The following SRPK2 variants were observed in gnomAD, a reference collection of about 807,000 sequenced individuals.
The protein encoded by SRPK2 is SFRS protein kinase 2.
Under a neutral mutation model 90.8 loss-of-function variants are expected in SRPK2, and 21 were observed. That is an observed-to-expected ratio of 0.23 (90% CI 0.16 to 0.33). The LOEUF is 0.33. Ranked by LOEUF, SRPK2 falls within the 10% of genes least tolerant of loss-of-function variation. The probability of loss-of-function intolerance (pLI) is 1.00; values close to 1 mark genes in which losing one functional copy is unlikely to be tolerated. For missense variants in SRPK2, 620 were observed against 869.0 expected (o/e 0.71, Z 3.60); for synonymous variants, 288 against 311.1 (o/e 0.93, Z 0.78).
At chr7:105,346,047 A>G (rs927664843) in intron 2 of SRPK2, among the ~76,000 whole-genome samples, 1 of 152,234 alleles carries the variant, frequency 6.6e-6, no homozygotes, top group Non-Finnish European at 1.5e-5. Context: ...TTTAAAAAAG[A>G]GTGCAAAATT....
chr7:105,275,524 C>G (rs1432228957), intron 2 of SRPK2, among the ~76,000 whole-genome samples: 1 of 152,164 alleles, frequency 6.6e-6, no homozygotes, highest in East Asian at 1.9e-4. Context: ...TACTCAAACT[C>G]CTTATGAAGA....
intron 1 of SRPK2, among the ~76,000 whole-genome samples, chr7:105,398,041 G>C (rs1230372384): frequency 1.3e-5 from 2 of 152,108 alleles, no homozygotes; most frequent in African/African-American, 4.8e-5. Flanking sequence ...AATTAGTTAT[G>C]CAAATATTAT....
At chr7:105,292,879 T>C (rs964960936) in intron 2 of SRPK2, among the ~76,000 whole-genome samples, 1 of 152,252 alleles carries the variant, frequency 6.6e-6, no homozygotes, top group Non-Finnish European at 1.5e-5. Context: ...TCCTGCTCTC[T>C]CTCTTGAGGG....
rs752347183 is a variant in SRPK2, at chr7:105,220,088, C to T, written c.72-16303G>A. Among the ~76,000 whole-genome samples, 95 of 152,192 alleles carry T rather than the reference C, an allele frequency of 6.2e-4. 1 individual carries two copies. The highest frequency in any genetic ancestry group is 1.2e-3 in the Non-Finnish European group (80 of 67,976). On this transcript the variant is annotated intron_variant, in intron 2 of 15. Coordinates refer to ENST00000393651, the MANE Select transcript of SRPK2 (RefSeq NM_182692.3). ...TGACTTAATCATAAAAAATGAAATA[C>T]GGTTTAATCAAGTGATTAATGTTTT... is the stretch of plus-strand genomic sequence containing the variant.
At chr7:105,306,299 G>A in intron 2 of SRPK2, 2 of 287,126 alleles carry the variant, frequency 7.0e-6, no homozygotes, top group East Asian at 1.8e-4. Flanking sequence ...GGGCTTCTAA[G>A]AAACTTAATC....
At chr7:105,208,626 C>T (rs1253502500) in intron 2 of SRPK2, among the ~76,000 whole-genome samples, 2 of 151,814 alleles carry the variant, frequency 1.3e-5, no homozygotes, top group South Asian at 2.1e-4. Flanking sequence ...ATGCTCATAT[C>T]GGGGGTTGGG....
At chr7:105,285,890 T>C (rs1808037111) in intron 2 of SRPK2, among the ~76,000 whole-genome samples, 2 of 152,206 alleles carry the variant, frequency 1.3e-5, no homozygotes, top group Admixed American at 6.5e-5. Context: ...TATTCCGTTA[T>C]AGCAATGCAA....
At position 105,174,082 on chromosome 7, in the gene SRPK2, TA is replaced by T. The variant is rs11406138; in HGVS notation, c.230-4818del. The stretch of plus-strand genomic sequence containing the variant: ...CAGTACAGTGAGACCCTGTCTCTAA[TA>T]AAAAAAAAAAAAAACTCTTATCGGA... On this transcript the variant is annotated intron_variant, in intron 3 of 15. Transcript: ENST00000393651. Among the ~76,000 whole-genome samples, 635 of 134,926 alleles carry T rather than the reference TA, an allele frequency of 4.7e-3. 14 individuals are homozygous for T. The East Asian group carries it at 0.07, about 15-fold the overall frequency. 88.5% of individuals were successfully genotyped at this position (134,926 alleles called of 152,430 possible).
intron 2 of SRPK2, among the ~76,000 whole-genome samples, chr7:105,264,523 T>G (rs1180816134): frequency 6.6e-6 from 1 of 152,180 alleles, no homozygotes; most frequent in Non-Finnish European, 1.5e-5. Context: ...TCCGCTTCTC[T>G]CCTCTCCTGA....
intron 2 of SRPK2, among the ~76,000 whole-genome samples, chr7:105,240,556 G>A (rs996213881): frequency 2.0e-5 from 3 of 151,880 alleles, no homozygotes; most frequent in African/African-American, 7.3e-5. Flanking sequence ...AACCCTTCCT[G>A]GACAGAAATT....
intron 2 of SRPK2, among the ~76,000 whole-genome samples, chr7:105,342,419 G>A (rs1040783136): frequency 4.6e-5 from 7 of 151,760 alleles, no homozygotes; most frequent in Admixed American, 4.6e-4. Flanking sequence ...AACATTCCTA[G>A]GACTGTCCAG....
chr7:105,253,729 A>C (rs942463478), intron 2 of SRPK2, among the ~76,000 whole-genome samples: 12 of 152,234 alleles, frequency 7.9e-5, no homozygotes, highest in Admixed American at 5.2e-4. Context: ...TTGACCAAAA[A>C]GGTGATTACA....
Position 105,170,912 on chromosome 7 carries a change from A to AAAGAAAGAAAGG in SRPK2, c.230-1648_230-1647insCCTTTCTTTCTT, listed in dbSNP as rs1563026031. Among the ~76,000 whole-genome samples, 5 of 123,658 alleles carry AAAGAAAGAAAGG rather than the reference A, an allele frequency of 4.0e-5. 1 individual carries two copies. The highest frequency in any genetic ancestry group is 2.5e-4 in the East Asian group (1 of 3,980). 81.1% of individuals were successfully genotyped at this position (123,658 alleles called of 152,430 possible). A position where few individuals can be genotyped will look rare whatever the true frequency, so the allele number is the denominator to read the frequency against. ...GAAAGAAAGAAAGAAAGAAAGAAAG[A>AAAGAAAGAAAGG]AAGGAGAAAGAAAAAGAAAAAGGAA... is the stretch of plus-strand genomic sequence containing the variant. On this transcript the variant is annotated intron_variant, in intron 3 of 15. Coordinates refer to ENST00000393651, the MANE Select transcript of SRPK2 (RefSeq NM_182692.3).
intron 2 of SRPK2, among the ~76,000 whole-genome samples, chr7:105,264,378 C>A (rs2130198406): frequency 6.6e-6 from 1 of 152,302 alleles, no homozygotes; most frequent in South Asian, 2.1e-4. Flanking sequence ...AGCCTGGGTT[C>A]CTTATGGATT....
At position 105,379,180 on chromosome 7, in the gene SRPK2, G is replaced by A. The variant is rs181001748; in HGVS notation, c.71+9468C>T. On this transcript the variant is annotated intron_variant, in intron 2 of 15. Transcript: ENST00000393651. ...AAATATATATATATATATAAAGTCA[G>A]CCCTCTGAAACTGTGGACTCTGCAT... Among the ~76,000 whole-genome samples, 36 of 151,552 alleles carry A rather than the reference G, an allele frequency of 2.4e-4. No individual in the cohort carries two copies. In the East Asian group the frequency reaches 5.6e-3, roughly 24 times the overall value.
chr7:105,293,843 T>A (rs976973518), intron 2 of SRPK2, among the ~76,000 whole-genome samples: 1 of 152,194 alleles, frequency 6.6e-6, no homozygotes, highest in Non-Finnish European at 1.5e-5. Flanking sequence ...TATAAGTCAA[T>A]GCTTTTAGTA....
intron 3 of SRPK2, among the ~76,000 whole-genome samples, chr7:105,188,361 A>G (rs567781383): frequency 6.6e-6 from 1 of 152,320 alleles, no homozygotes; most frequent in African/African-American, 2.4e-5. Flanking sequence ...CTGTCAATGG[A>G]CAGTCATTTC....
intron 2 of SRPK2, among the ~76,000 whole-genome samples, chr7:105,226,044 T>G (rs1798666020): frequency 6.6e-6 from 1 of 152,184 alleles, no homozygotes; most frequent in South Asian, 2.1e-4. Flanking sequence ...CTAATAAAAT[T>G]ATCTTTAAAA....
intron 2 of SRPK2, chr7:105,205,952 G>A: frequency 1.9e-6 from 1 of 518,856 alleles, no homozygotes; most frequent in South Asian, 1.4e-5. Context: ...CACACATTGA[G>A]TTTGCTGTAG....
Sources: allele counts gnomAD v4.1 joint callset (sites outside exome capture counted in the v4.1 genomes callset), GRCh38; gene constraint gnomAD v4.1.1; transcripts MANE v1.5; gene names NCBI Gene and HGNC (gene_info 2026-07-23, HGNC 2026-07-21).